Variants in ATP8A2 observed in about 807,000 individuals in gnomAD.
ATP8A2 encodes phospholipid-transporting ATPase IB.
In ATP8A2, 100 loss-of-function variants were observed where a neutral mutation model predicts 165.6. That is an observed-to-expected ratio of 0.60 (90% CI 0.51 to 0.71). The LOEUF (loss-of-function observed/expected upper bound fraction) is 0.71, where lower values mean the gene tolerates loss of function less well. ATP8A2 is among the 30% of genes least tolerant of loss of function. The pLI, the probability that ATP8A2 is intolerant of heterozygous loss-of-function variation, is 0.00. For missense variants in ATP8A2, 1,227 were observed against 1,479.5 expected (o/e 0.83, Z 2.80); for synonymous variants, 543 against 548.8 (o/e 0.99, Z 0.15).
chr13:25,538,240 C>A (rs2038352645), intron 7 of ATP8A2, among the ~76,000 whole-genome samples, 179 bp downstream of exon 7: 1 of 152,186 alleles, frequency 6.6e-6, no homozygotes, highest in Non-Finnish European at 1.5e-5. Flanking sequence ...TTCTCACATT[C>A]ATTCCTTTGT....
At chr13:25,471,905 T>C (rs1043128110) in intron 2 of ATP8A2, among the ~76,000 whole-genome samples, 1 of 152,224 alleles carries the variant, frequency 6.6e-6, no homozygotes, top group Admixed American at 6.5e-5. Flanking sequence ...AGTTGAAATA[T>C]ATTAAAATTC....
At chr13:25,789,418 A>G (rs1271407272) in intron 27 of ATP8A2, among the ~76,000 whole-genome samples, 1 of 152,220 alleles carries the variant, frequency 6.6e-6, no homozygotes, top group African/African-American at 2.4e-5. Context: ...TCATTGTACA[A>G]AAATCACTAG....
chr13:25,392,975 A>T (rs2033300163), intron 1 of ATP8A2, among the ~76,000 whole-genome samples: 2 of 152,022 alleles, frequency 1.3e-5, no homozygotes, highest in African/African-American at 4.8e-5. Flanking sequence ...TCAGGTTGAC[A>T]TGTCCCTCCA....
At chr13:25,698,526 G>A (rs1459210491) in intron 24 of ATP8A2, among the ~76,000 whole-genome samples, 1 of 151,970 alleles carries the variant, frequency 6.6e-6, no homozygotes, top group Non-Finnish European at 1.5e-5. Context: ...GAACCACCGT[G>A]CCCAGCCCAC....
chr13:25,730,206 G>A (rs2043590053), intron 25 of ATP8A2, among the ~76,000 whole-genome samples: 1 of 152,152 alleles, frequency 6.6e-6, no homozygotes, highest in Non-Finnish European at 1.5e-5. Flanking sequence ...TGGGAGGATT[G>A]CCTGAACTCA....
chr13:25,860,286 C>T (rs1445410459), intron 31 of ATP8A2, 30 bp downstream of exon 31: 1 of 1,444,976 alleles, frequency 6.9e-7, no homozygotes, highest in Non-Finnish European at 9.7e-7. Flanking sequence ...TTAAGCCATT[C>T]TTAAACAGCT....
intron 2 of ATP8A2, among the ~76,000 whole-genome samples, chr13:25,480,753 T>A (rs951494603): frequency 2.0e-5 from 3 of 147,914 alleles, no homozygotes; most frequent in Non-Finnish European, 4.5e-5. Context: ...CTAGACGGGG[T>A]GGCGGCCGGG....
chr13:26,023,001 G>A lies in ATP8A2; in HGVS notation c.*3016G>A, dbSNP rs901842701. On this transcript the variant is annotated 3_prime_UTR_variant, in exon 37 of 37. Coordinates refer to ENST00000381655, the MANE Select transcript of ATP8A2 (RefSeq NM_016529.6). ...ACCCTGCAAAAGGAAGAGACCAGTT[G>A]TACTGTGGGCTTAGTTCTGGGTTTC... The A allele has an allele frequency of 6.6e-6, 1 of 152,296 alleles. No individual in the cohort carries two copies. The highest frequency in any genetic ancestry group is 1.5e-5 in the Non-Finnish European group (1 of 68,106). 9.4% of individuals were successfully genotyped at this position (152,296 alleles called of 1,614,324 possible).
intron 4 of ATP8A2, among the ~76,000 whole-genome samples, chr13:25,531,337 T>C (rs974849685): frequency 7.5e-6 from 1 of 133,158 alleles, no homozygotes; most frequent in African/African-American, 2.9e-5. Flanking sequence ...TATATATATG[T>C]TATATATGAT....
chr13:25,559,154 T>A, intron 14 of ATP8A2, 93 bp downstream of exon 14: 1 of 862,494 alleles, frequency 1.2e-6, no homozygotes, highest in Non-Finnish European at 1.9e-6. Context: ...CTTGACTTTC[T>A]GATGTTTTGA....
chr13:25,578,770 G>A, intron 20 of ATP8A2, 45 bp from the exon 21 acceptor site: 2 of 1,123,026 alleles, frequency 1.8e-6, no homozygotes, highest in South Asian at 1.2e-5. Context: ...TGGCTGGAAG[G>A]TTTACTGAAG....
intron 24 of ATP8A2, among the ~76,000 whole-genome samples, chr13:25,690,595 TTG>T (rs2042703012): frequency 6.6e-6 from 1 of 152,130 alleles, no homozygotes; most frequent in Non-Finnish European, 1.5e-5. Context: ...CATTGGTTAT[TTG>T]GGAAATGCAA....
At chr13:25,799,359 A>T (rs1950569410) in intron 27 of ATP8A2, among the ~76,000 whole-genome samples, 1 of 152,150 alleles carries the variant, frequency 6.6e-6, no homozygotes, top group East Asian at 1.9e-4. Context: ...AAGAAACAGA[A>T]CGAAGGTCAC....
intron 1 of ATP8A2, among the ~76,000 whole-genome samples, chr13:25,452,287 G>A (rs750199718): frequency 1.3e-4 from 20 of 152,192 alleles, no homozygotes; most frequent in African/African-American, 3.9e-4. Flanking sequence ...CTCTGGCATC[G>A]TCCCACCACC....
intron 15 of ATP8A2, among the ~76,000 whole-genome samples, chr13:25,560,883 A>AT (rs1487931091): frequency 1.4e-5 from 2 of 146,040 alleles, no homozygotes; most frequent in African/African-American, 5.0e-5. Context: ...AGGTTTTTAC[A>AT]TTTTTTCCTT....
chr13:25,431,827 T>G (rs1039133423), intron 1 of ATP8A2, among the ~76,000 whole-genome samples: 5 of 152,210 alleles, frequency 3.3e-5, no homozygotes, highest in Non-Finnish European at 7.3e-5. Flanking sequence ...CCATCACAAT[T>G]ATCTAGTTCC....
intron 25 of ATP8A2, among the ~76,000 whole-genome samples, chr13:25,739,281 G>T (rs972570272): frequency 6.6e-6 from 1 of 152,178 alleles, no homozygotes; most frequent in Admixed American, 6.5e-5. Flanking sequence ...GCTCATCAGG[G>T]GCTTTGAGTG....
intron 25 of ATP8A2, among the ~76,000 whole-genome samples, chr13:25,726,082 C>T (rs982876521): frequency 3.9e-5 from 6 of 152,050 alleles, no homozygotes; most frequent in African/African-American, 1.2e-4. Context: ...ATTTTGGACC[C>T]GTTTGTTTCG....
Position 25,469,004 on chromosome 13 carries a change from A to G in ATP8A2, c.104A>G (p.Lys35Arg). The G allele has an allele frequency of 1.2e-6, 2 of 1,614,008 alleles. No individual in the cohort carries two copies. The highest frequency in any genetic ancestry group is 1.7e-6 in the Non-Finnish European group (2 of 1,179,870). Residue 35 changes from lysine to arginine, a missense_variant, in exon 2 of 37, where the codon AAG (lysine) becomes AGG (arginine). Physicochemically the swap from Lys to Arg is conservative, Grantham distance 26. This residue lies in a region of ATP8A2 where 356 missense variants were observed against 394.9 expected (regional missense o/e 0.90). Transcript: ENST00000381655. ...CCTGTTCGTTCTTCTTTGGGCTATA[A>G]GAAGGCAGAGGATGAGATGTCCCGG... is the stretch of plus-strand genomic sequence containing the variant. ...VGPVRSSLGYKKAEDEMSRAT... is the reference protein window; with the variant it reads ...VGPVRSSLGYRKAEDEMSRAT...
Sources: gnomAD v4.1 joint callset for allele counts (sites outside exome capture counted in the v4.1 genomes callset) on GRCh38, gnomAD v4.1.1 for gene constraint, gnomAD v4.1.1 regional missense constraint, MANE v1.5 for transcripts, NCBI Gene and HGNC (gene_info 2026-07-23, HGNC 2026-07-21) for gene names.